The following RPS6KC1 variants were observed in gnomAD, a reference collection of about 807,000 sequenced individuals.
RPS6KC1 encodes the protein ribosomal protein S6 kinase C1, also known as inactive ribosomal protein S6 kinase delta-1.
Under a neutral mutation model 103.8 loss-of-function variants are expected in RPS6KC1, and 54 were observed. The observed-to-expected ratio is 0.52, with a 90% CI of 0.42 to 0.65. The LOEUF is 0.65. Among genes scored for constraint, RPS6KC1 ranks in the 30% least tolerant of loss-of-function variants. The pLI, the probability that RPS6KC1 is intolerant of heterozygous loss-of-function variation, is 0.00. For synonymous variants in RPS6KC1, 439 were observed against 438.7 expected, an observed-to-expected ratio of 1.00 and a Z score of -0.01; for missense variants, 1,151 against 1,253.8, an observed-to-expected ratio of 0.92 and a Z score of 1.24.
At chr1:213,633,352 A>G in the RPS6KC1 span, among the ~76,000 whole-genome samples, 21,390 of 152,208 alleles carry the variant, frequency 0.14, 2,362 homozygotes, top group African/African-American at 0.31. Flanking sequence ...CAGATTTCTC[A>G]GCAGAAACTC....
the RPS6KC1 span, among the ~76,000 whole-genome samples, chr1:213,338,519 G>A: frequency 6.6e-6 from 1 of 152,180 alleles, no homozygotes. Flanking sequence ...CTACCACAAA[G>A]CTATGTCCAT....
At chr1:213,431,647 T>TTGTGTGTG in the RPS6KC1 span, among the ~76,000 whole-genome samples, 305 of 127,818 alleles carry the variant, frequency 2.4e-3, no homozygotes, top group African/African-American at 7.9e-3. Flanking sequence ...ATTCCATTGT[T>TTGTGTGTG]TGTGTGTATG....
intron 5 of RPS6KC1, among the ~76,000 whole-genome samples, chr1:213,128,846 A>G (rs2085281156): frequency 6.6e-6 from 1 of 152,248 alleles, no homozygotes; most frequent in South Asian, 2.1e-4. Context: ...CGAGCATTTC[A>G]GATGAAGGAT....
the RPS6KC1 span, among the ~76,000 whole-genome samples, chr1:213,637,160 G>T: frequency 6.6e-6 from 1 of 152,130 alleles, no homozygotes; most frequent in Non-Finnish European, 1.5e-5. Context: ...TTACACTGTT[G>T]GTGGGAGTGT....
the RPS6KC1 span, among the ~76,000 whole-genome samples, chr1:213,514,279 T>A: frequency 1.3e-5 from 2 of 152,266 alleles, no homozygotes; most frequent in East Asian, 1.9e-4. Context: ...GTGCACAACG[T>A]GCAGGTTTGT....
chr1:213,057,044 A>G (rs537530051), intron 1 of RPS6KC1, among the ~76,000 whole-genome samples: 126 of 152,116 alleles, frequency 8.3e-4, no homozygotes, highest in African/African-American at 2.9e-3. Context: ...GGCTCAAGCA[A>G]TCCTCCCACC....
chr1:213,504,101 ATAT>A, the RPS6KC1 span, among the ~76,000 whole-genome samples: 1,326 of 152,294 alleles, frequency 8.7e-3, 5 homozygotes, highest in East Asian at 0.024. Context: ...TTTTCACATA[ATAT>A]TATGTTAATG....
chr1:213,374,277 C>T, the RPS6KC1 span, among the ~76,000 whole-genome samples: 1 of 152,172 alleles, frequency 6.6e-6, no homozygotes, highest in South Asian at 2.1e-4. Flanking sequence ...TCACAGTGTT[C>T]ATTAGTATAT....
At chr1:213,555,162 A>G in the RPS6KC1 span, among the ~76,000 whole-genome samples, 85 of 152,320 alleles carry the variant, frequency 5.6e-4, 1 homozygote, top group African/African-American at 2.0e-3. Context: ...TTACCCAGAA[A>G]GGCTTGCTAA....
the RPS6KC1 span, among the ~76,000 whole-genome samples, chr1:213,281,018 C>T: frequency 2.0e-5 from 3 of 152,050 alleles, no homozygotes; most frequent in Non-Finnish European, 4.4e-5. Flanking sequence ...AAATATCCTT[C>T]CCCTCCCCTC....
intron 8 of RPS6KC1, among the ~76,000 whole-genome samples, chr1:213,213,670 C>T (rs987398198): frequency 6.6e-6 from 1 of 152,022 alleles, no homozygotes; most frequent in Non-Finnish European, 1.5e-5. Context: ...ATTTCACTGG[C>T]CCTTGGAGGA....
chr1:213,753,264 G>A, the RPS6KC1 span, among the ~76,000 whole-genome samples: 24,285 of 152,166 alleles, frequency 0.16, 3,020 homozygotes, highest in African/African-American at 0.34. Flanking sequence ...GGGTAAAATA[G>A]GAATTTCACT....
intron 8 of RPS6KC1, among the ~76,000 whole-genome samples, chr1:213,179,681 C>T (rs1331645905): frequency 6.6e-6 from 1 of 151,880 alleles, no homozygotes; most frequent in Non-Finnish European, 1.5e-5. Context: ...ATCTATTAAC[C>T]TAGGAAAAAT....
the RPS6KC1 span, among the ~76,000 whole-genome samples, chr1:213,290,102 G>T: frequency 7.3e-5 from 9 of 123,438 alleles, no homozygotes; most frequent in Non-Finnish European, 1.4e-4. Context: ...CCGAGATTGC[G>T]CCACTGCAAT....
the RPS6KC1 span, among the ~76,000 whole-genome samples, chr1:213,455,127 G>A: frequency 6.6e-6 from 1 of 152,178 alleles, no homozygotes; most frequent in African/African-American, 2.4e-5. Context: ...GCAACTCAGA[G>A]TGATAGAGAA....
chr1:213,331,047 AG>A, the RPS6KC1 span, among the ~76,000 whole-genome samples: 1 of 152,214 alleles, frequency 6.6e-6, no homozygotes, highest in Non-Finnish European at 1.5e-5. Context: ...TTGTTAGTAA[AG>A]AAAAAAATAA....
At chr1:213,396,709 G>A in the RPS6KC1 span, among the ~76,000 whole-genome samples, 3 of 152,228 alleles carry the variant, frequency 2.0e-5, no homozygotes, top group Non-Finnish European at 2.9e-5. Flanking sequence ...GGAAGGGGTT[G>A]CTGTGTGGAC....
At chr1:213,708,753 A>G in the RPS6KC1 span, among the ~76,000 whole-genome samples, 1 of 152,210 alleles carries the variant, frequency 6.6e-6, no homozygotes, top group Admixed American at 6.5e-5. Flanking sequence ...GAGTATTTTT[A>G]ACATGAAGCG....
chr1:213,799,463 C>T, the RPS6KC1 span, among the ~76,000 whole-genome samples: 5 of 152,094 alleles, frequency 3.3e-5, no homozygotes, highest in African/African-American at 4.8e-5. Context: ...ATGGGCTGGA[C>T]GCTGGCTAAC....
Sources: allele counts gnomAD v4.1 joint callset (sites outside exome capture counted in the v4.1 genomes callset), GRCh38; gene constraint gnomAD v4.1.1; transcripts MANE v1.5; gene names NCBI Gene and HGNC (gene_info 2026-07-23, HGNC 2026-07-21).